The following KCNQ5 variants were observed in gnomAD, a reference collection of about 807,000 sequenced individuals.
KCNQ5 encodes the protein potassium voltage-gated channel subfamily Q member 5.
Under a neutral mutation model 98.2 loss-of-function variants are expected in KCNQ5, and 30 were observed. The ratio of observed to expected loss-of-function variants is 0.31; its 90% CI spans 0.23 to 0.41. The LOEUF is 0.41. KCNQ5 is among the 10% of genes least tolerant of loss of function. The pLI, the probability that KCNQ5 is intolerant of heterozygous loss-of-function variation, is 1.00. For synonymous variants in KCNQ5, 458 were observed against 449.4 expected (o/e 1.02, Z -0.24); for missense variants, 835 against 1,182.5 (o/e 0.71, Z 4.31).
chr6:72,656,917 C>G (rs1766226787), intron 1 of KCNQ5, among the ~76,000 whole-genome samples: 2 of 152,100 alleles, frequency 1.3e-5, no homozygotes, highest in South Asian at 4.1e-4. Flanking sequence ...AACCCAAACC[C>G]TGTGAATCAA....
At chr6:73,186,755 T>C (rs555560486) in intron 11 of KCNQ5, among the ~76,000 whole-genome samples, 7 of 152,332 alleles carry the variant, frequency 4.6e-5, no homozygotes, top group African/African-American at 1.4e-4. Context: ...GTCTATGTAA[T>C]TTAATTTTTA....
chr6:73,007,066 T>A (rs943901247), intron 2 of KCNQ5, among the ~76,000 whole-genome samples: 1 of 152,150 alleles, frequency 6.6e-6, no homozygotes, highest in Non-Finnish European at 1.5e-5. Flanking sequence ...ATAAGGACTT[T>A]CGCTGTCCAT....
chr6:72,733,331 C>T (rs1463653191), intron 1 of KCNQ5, among the ~76,000 whole-genome samples: 1 of 152,124 alleles, frequency 6.6e-6, no homozygotes, highest in Non-Finnish European at 1.5e-5. Flanking sequence ...ACTTCAAATA[C>T]TATAGATGTC....
At chr6:73,158,555 C>T (rs1777478484) in intron 10 of KCNQ5, among the ~76,000 whole-genome samples, 1 of 152,024 alleles carries the variant, frequency 6.6e-6, no homozygotes, top group Non-Finnish European at 1.5e-5. Context: ...CATGAGCCAC[C>T]GCACCCGTCC....
chr6:73,118,218 C>T (rs773925256), intron 7 of KCNQ5, among the ~76,000 whole-genome samples: 1 of 152,176 alleles, frequency 6.6e-6, no homozygotes, highest in South Asian at 2.1e-4. Context: ...CACTGTGCTA[C>T]CTTCTAACAG....
chr6:72,633,710 T>C (rs527917521), intron 1 of KCNQ5, among the ~76,000 whole-genome samples: 68 of 152,264 alleles, frequency 4.5e-4, no homozygotes, highest in Admixed American at 1.2e-3. Flanking sequence ...TGGAACAGAA[T>C]AGAAAATTCA....
chr6:72,665,218 C>G (rs1178553772), intron 1 of KCNQ5, among the ~76,000 whole-genome samples: 1 of 151,670 alleles, frequency 6.6e-6, no homozygotes, highest in Non-Finnish European at 1.5e-5. Context: ...CATGGTGGTG[C>G]ACGCCTGTAG....
intron 1 of KCNQ5, among the ~76,000 whole-genome samples, chr6:72,694,386 A>G (rs1768377421): frequency 6.6e-6 from 1 of 152,150 alleles, no homozygotes. Flanking sequence ...TTGATATGTA[A>G]GAGATGCATC....
intron 10 of KCNQ5, among the ~76,000 whole-genome samples, chr6:73,161,771 A>G (rs1323381333): frequency 6.6e-6 from 1 of 152,226 alleles, no homozygotes; most frequent in Non-Finnish European, 1.5e-5. Context: ...TTTTGGACAC[A>G]GCAGAAGTTT....
intron 1 of KCNQ5, among the ~76,000 whole-genome samples, chr6:72,868,413 G>A (rs773259239): frequency 2.0e-5 from 3 of 152,042 alleles, no homozygotes; most frequent in Non-Finnish European, 4.4e-5. Context: ...ATTGGATGAC[G>A]ACTTAATAGA....
chr6:73,171,037 T>G (rs895706412), intron 11 of KCNQ5, among the ~76,000 whole-genome samples: 2 of 152,220 alleles, frequency 1.3e-5, no homozygotes, highest in African/African-American at 4.8e-5. Flanking sequence ...ACTTCTGTTT[T>G]TAGTTGGTCA....
At chr6:72,954,564 T>TG (rs1766955482) in intron 1 of KCNQ5, among the ~76,000 whole-genome samples, 1 of 144,204 alleles carries the variant, frequency 6.9e-6, no homozygotes, top group African/African-American at 2.5e-5. Flanking sequence ...TGTGTGTGTG[T>TG]TGATAAAAAC....
At chr6:72,824,010 G>A (rs2150116605) in intron 1 of KCNQ5, among the ~76,000 whole-genome samples, 1 of 152,016 alleles carries the variant, frequency 6.6e-6, no homozygotes, top group South Asian at 2.1e-4. Flanking sequence ...TTTCCAAACT[G>A]TTTCTATTAA....
chr6:73,125,444 G>A (rs1437370331), intron 9 of KCNQ5: 1 of 518,438 alleles, frequency 1.9e-6, no homozygotes, highest in East Asian at 5.5e-5. Context: ...TGCCTGGAAA[G>A]GAAGAAGAGA....
intron 1 of KCNQ5, among the ~76,000 whole-genome samples, chr6:72,674,726 C>T (rs578199313): frequency 8.5e-5 from 13 of 152,196 alleles, no homozygotes; most frequent in South Asian, 4.2e-4. Flanking sequence ...GCTGAGATCG[C>T]GTCACTGCAT....
At chr6:72,661,617 C>G (rs565606470) in intron 1 of KCNQ5, among the ~76,000 whole-genome samples, 1 of 152,012 alleles carries the variant, frequency 6.6e-6, no homozygotes, top group African/African-American at 2.4e-5. Context: ...TACTATTGCC[C>G]TGCATTTTCC....
chr6:72,824,136 A>T (rs1472284328), intron 1 of KCNQ5, among the ~76,000 whole-genome samples: 1 of 152,094 alleles, frequency 6.6e-6, no homozygotes, highest in Non-Finnish European at 1.5e-5. Context: ...ATATTGTTTA[A>T]GAAAATTAGT....
chr6:72,687,497 C>T (rs941172273), intron 1 of KCNQ5, among the ~76,000 whole-genome samples: 3 of 152,038 alleles, frequency 2.0e-5, no homozygotes, highest in Non-Finnish European at 2.9e-5. Context: ...GACAGTAAGT[C>T]GACAATGACA....
At chr6:73,042,573 G>A (rs185710309) in intron 3 of KCNQ5, among the ~76,000 whole-genome samples, 1 of 152,164 alleles carries the variant, frequency 6.6e-6, no homozygotes, top group Non-Finnish European at 1.5e-5. Context: ...CTTCAAGAAT[G>A]ATTATAAGTA....
Sources: gnomAD v4.1 joint callset for allele counts (sites outside exome capture counted in the v4.1 genomes callset) on GRCh38, gnomAD v4.1.1 for gene constraint, MANE v1.5 for transcripts, NCBI Gene and HGNC (gene_info 2026-07-23, HGNC 2026-07-21) for gene names.